Variants in PLAAT5 observed in about 807,000 individuals in gnomAD.
PLAAT5 encodes phospholipase A and acyltransferase 5.
PLAAT5 carries 27 observed loss-of-function variants against 27.8 expected under a neutral mutation model. That is an observed-to-expected ratio of 0.97 (90% confidence interval 0.72 to 1.34). PLAAT5 has a LOEUF of 1.34. Among genes scored for constraint, PLAAT5 ranks in the 40% most tolerant of loss-of-function variants. The pLI is 0.00. For synonymous variants in PLAAT5, 125 were observed against 136.1 expected (o/e 0.92, Z 0.57); for missense variants, 368 against 343.8 (o/e 1.07, Z -0.56).
At chr11:63,475,229 A>G (rs1051717952) in intron 3 of PLAAT5, among the ~76,000 whole-genome samples, 2 of 152,072 alleles carry the variant, frequency 1.3e-5, no homozygotes, top group Admixed American at 6.5e-5. Context: ...TCTATCCACT[A>G]TTGAGAGTGG....
intron 5 of PLAAT5, among the ~76,000 whole-genome samples, chr11:63,465,425 G>A (rs2015835009): frequency 6.7e-6 from 1 of 148,310 alleles, no homozygotes; most frequent in African/African-American, 2.5e-5. Flanking sequence ...TCCAAGATGT[G>A]GCCCACAAAG....
At chr11:63,479,192 G>A (rs576983498) in intron 3 of PLAAT5, among the ~76,000 whole-genome samples, 1 of 152,286 alleles carries the variant, frequency 6.6e-6, no homozygotes, top group African/African-American at 2.4e-5. Flanking sequence ...TGATGTAGAT[G>A]GATACAGAGG....
rs781060957 is a variant in PLAAT5, at chr11:63,473,275, C to T, written c.346-4810G>A. ...TCAATTGGCGCCTTTTTTCAAACAG[C>T]GTGTGCTCGCTTTGTTAGCATTTTT... On this transcript the variant is annotated intron_variant, in intron 3 of 5. Transcript: ENST00000540857. Among the ~76,000 whole-genome samples, 36 of 152,076 alleles carry T rather than the reference C, an allele frequency of 2.4e-4. 1 individual carries two copies. The highest frequency in any genetic ancestry group is 3.9e-4 in the Admixed American group (6 of 15,260).
rs1402287266 is a variant in PLAAT5 at position 63,483,801 on chromosome 11, G to GTGTATA, written c.345+5069_345+5070insTATACA. On this transcript the variant is annotated intron_variant, in intron 3 of 5. Transcript: ENST00000540857. Reference sequence around the variant, plus strand: ...AAAAAAAAAATATATATATATATATGTATATATATATATATATATATATAT... The same window carrying GTGTATA: ...AAAAAAAAAATATATATATATATATGTGTATATATATATATATATATATATATATAT... Among the ~76,000 whole-genome samples, 229 of 24,140 alleles carry GTGTATA rather than the reference G, an allele frequency of 9.5e-3. 2 individuals carry two copies. Among genetic ancestry groups the GTGTATA allele is most frequent in the South Asian group, 0.014 (12 of 864 alleles). The allele number at this position is 24,140 out of a possible 152,430, so 15.8% of individuals were successfully genotyped here. A position where few individuals can be genotyped will look rare whatever the true frequency, so the allele number is the denominator to read the frequency against.
intron 3 of PLAAT5, among the ~76,000 whole-genome samples, chr11:63,481,670 T>C (rs941500113): frequency 2.0e-5 from 3 of 152,060 alleles, no homozygotes; most frequent in Non-Finnish European, 4.4e-5. Flanking sequence ...TGTCCAACAA[T>C]GATAGACTGG....
rs1555025601 is a variant in PLAAT5, at chr11:63,469,154, G to GAGAC, written c.346-690_346-689insGTCT. Among the ~76,000 whole-genome samples, 586 of 151,696 alleles carry GAGAC rather than the reference G, an allele frequency of 3.9e-3. 2 individuals are homozygous for GAGAC. The highest frequency in any genetic ancestry group is 0.013 in the African/African-American group (536 of 41,128). On this transcript the variant is annotated intron_variant, in intron 3 of 5. Transcript: ENST00000540857. ...TGTGTGTGTGTGTGTGTGAGAGAGA[G>GAGAC]AGAGAGACAGGTAGAGAGAGAATGA...
At chr11:63,468,811 G>A (rs1432565364) in intron 3 of PLAAT5, among the ~76,000 whole-genome samples, 1 of 152,130 alleles carries the variant, frequency 6.6e-6, no homozygotes, top group Non-Finnish European at 1.5e-5. Flanking sequence ...TCAGTAAAGG[G>A]TGCTGGCTTT....
chr11:63,483,997 CAAA>C (rs1247619650), intron 3 of PLAAT5, among the ~76,000 whole-genome samples: 2 of 149,258 alleles, frequency 1.3e-5, no homozygotes, highest in Non-Finnish European at 3.0e-5. Flanking sequence ...CACAGAAATA[CAAA>C]AGATCATTCA....
intron 3 of PLAAT5, 138 bp from the exon 4 acceptor site, chr11:63,468,603 T>C (rs190597441): frequency 8.6e-4 from 550 of 642,968 alleles, no homozygotes; most frequent in Admixed American, 2.0e-3. Context: ...TAAAGAAATT[T>C]CTCTTCACAC....
chr11:63,476,157 G>A (rs1293800408), intron 3 of PLAAT5, among the ~76,000 whole-genome samples: 1 of 151,928 alleles, frequency 6.6e-6, no homozygotes, highest in African/African-American at 2.4e-5. Context: ...CCTCTCCTTT[G>A]TGCTATTACT....
In PLAAT5 at chr11:63,463,106, T is replaced by C. The variant is rs1020814192; in HGVS notation, c.*397A>G. On this transcript the variant is annotated 3_prime_UTR_variant, in exon 6 of 6. Transcript: ENST00000540857. ...ATTTTAGTTAAATAAAAAGAACATC[T>C]GGAAAAAGACATCTTCGTTACTGGA... The C allele has an allele frequency of 1.3e-4, 22 of 172,552 alleles. No homozygotes were observed. Among genetic ancestry groups the C allele is most frequent in the African/African-American group, 3.1e-4 (13 of 42,356 alleles). The allele number at this position is 172,552 out of a possible 1,614,324, so 10.7% of individuals were successfully genotyped here.
intron 3 of PLAAT5, among the ~76,000 whole-genome samples, chr11:63,478,980 C>T (rs1487612540): frequency 6.6e-6 from 1 of 152,200 alleles, no homozygotes; most frequent in African/African-American, 2.4e-5. Flanking sequence ...GTAATGGCAG[C>T]CACATATCCA....
Position 63,491,003 on chromosome 11 carries a change from T to C in PLAAT5, c.32A>G (p.Tyr11Cys). 6.5e-7 allele frequency: 1 copy of C among 1,532,690 alleles called. No homozygotes were observed. Among genetic ancestry groups the C allele is most frequent in the Admixed American group, 2.0e-5 (1 of 49,044 alleles). 94.9% of individuals were successfully genotyped at this position (1,532,690 alleles called of 1,614,324 possible). A position where few individuals can be genotyped will look rare whatever the true frequency, so the allele number is the denominator to read the frequency against. ...GGGAATCCTAGGGAGGCGGAGCGCG[T>C]ACTCCCCCTCGGCGCCCGGGCTCAG... MGLSPGAEGE[Y>C]ALRLPRIPPP... Residue 11 changes from tyrosine (Y) to cysteine (C), a missense_variant, in exon 1 of 6, where the codon TAC (tyrosine) becomes TGC (cysteine). By Grantham distance (194) the Tyr-to-Cys change is radical. Transcript: ENST00000540857.
chr11:63,466,054 G>C (rs2015851803), intron 5 of PLAAT5, 56 bp downstream of exon 5: 10 of 1,563,194 alleles, frequency 6.4e-6, no homozygotes, highest in Non-Finnish European at 8.7e-6. Flanking sequence ...CTAATGAAAT[G>C]ACAAACCCCA....
rs2015745977 is a variant in PLAAT5, at chr11:63,462,563, C to T, written c.*940G>A. On this transcript the variant is annotated 3_prime_UTR_variant, in exon 6 of 6. Coordinates refer to ENST00000540857, the MANE Select transcript of PLAAT5 (RefSeq NM_001146729.2). Reference sequence around the variant, plus strand: ...GAAACACTCTGAGGGTTCCATCTTGCTCTTTTCCACATTCTTCATATTTTC... The same window carrying T: ...GAAACACTCTGAGGGTTCCATCTTGTTCTTTTCCACATTCTTCATATTTTC... 1 of 152,172 alleles carries T rather than the reference C, an allele frequency of 6.6e-6. No homozygotes were observed. Among genetic ancestry groups the T allele is most frequent in the South Asian group, 2.1e-4 (1 of 4,826 alleles). The allele number at this position is 152,172 out of a possible 1,614,324, so 9.4% of individuals were successfully genotyped here.
At chr11:63,466,411 G>C (rs759693491) in intron 4 of PLAAT5, 39 bp from the exon 5 acceptor site, 6 of 1,600,902 alleles carry the variant, frequency 3.7e-6, no homozygotes, top group Non-Finnish European at 2.6e-6. Flanking sequence ...GAAATACAAG[G>C]AGTAGCAAAG....
In PLAAT5 at chr11:63,466,254, A is replaced by G; in HGVS notation, c.573T>C (p.Asp191=). ...GCSWKVNNKL[D]GTYLPLPVDK... is the part of the protein sequence containing the mutation. ...CCACCGGCAAGGGCAGGTACGTCCC[A>G]TCTAGCTTGTTATTGACCTTCCAGG... Residue 191 remains aspartate, a synonymous_variant, in exon 5 of 6, where the codon GAT becomes GAC. Coordinates refer to ENST00000540857, the MANE Select transcript of PLAAT5 (RefSeq NM_001146729.2). 6.2e-7 allele frequency: 1 copy of G among 1,614,148 alleles called. No individual in the cohort carries two copies. Among genetic ancestry groups the G allele is most frequent in the Non-Finnish European group, 8.5e-7 (1 of 1,180,036 alleles).
At chr11:63,475,807 C>T (rs1429428154) in intron 3 of PLAAT5, among the ~76,000 whole-genome samples, 1 of 151,970 alleles carries the variant, frequency 6.6e-6, no homozygotes, top group Non-Finnish European at 1.5e-5. Flanking sequence ...CTAGGGATTA[C>T]AATGTGCATC....
At chr11:63,464,473 T>C (rs538459507) in intron 5 of PLAAT5, among the ~76,000 whole-genome samples, 2 of 152,194 alleles carry the variant, frequency 1.3e-5, no homozygotes, top group South Asian at 4.2e-4. Flanking sequence ...CTGACCAACA[T>C]GGTGAAACCC....
Sources: allele counts gnomAD v4.1 joint callset (sites outside exome capture counted in the v4.1 genomes callset), GRCh38; gene constraint gnomAD v4.1.1; transcripts MANE v1.5; gene names NCBI Gene and HGNC (gene_info 2026-07-23, HGNC 2026-07-21).